The following CDK14 variants were observed in gnomAD, a reference collection of about 807,000 sequenced individuals.
CDK14 encodes cyclin dependent kinase 14, also known as cyclin-dependent kinase 14.
CDK14 carries 34 observed loss-of-function variants against 60.7 expected under a neutral mutation model. The ratio of observed to expected loss-of-function variants is 0.56; its 90% CI spans 0.43 to 0.75. The LOEUF (loss-of-function observed/expected upper bound fraction) is 0.75. Among genes scored for constraint, CDK14 ranks in the 30% least tolerant of loss-of-function variants. CDK14 has a pLI of 0.00. For missense variants in CDK14, 482 were observed against 564.1 expected (o/e 0.85, Z 1.47); for synonymous variants, 197 against 203.7 (o/e 0.97, Z 0.28).
chr7:90,629,646 T>C (rs1799950740), intron 2 of CDK14, among the ~76,000 whole-genome samples: 1 of 152,242 alleles, frequency 6.6e-6, no homozygotes, highest in East Asian at 1.9e-4. Flanking sequence ...ACTAAGTGAA[T>C]GCTTATTTGA....
chr7:91,182,271 A>G (rs76837234), intron 14 of CDK14, among the ~76,000 whole-genome samples: 11,664 of 152,118 alleles, frequency 0.077, 514 homozygotes, highest in Admixed American at 0.12. Context: ...TGAGAAATAT[A>G]CTGTATAATC....
chr7:90,709,522 G>A (rs766489775), intron 2 of CDK14: 1 of 1,611,794 alleles, frequency 6.2e-7, no homozygotes. Flanking sequence ...ACAGTGTGTT[G>A]TGAATTGCCT....
intron 8 of CDK14, among the ~76,000 whole-genome samples, chr7:90,931,705 C>T (rs943668949): frequency 1.3e-5 from 2 of 152,114 alleles, no homozygotes; most frequent in African/African-American, 4.8e-5. Flanking sequence ...AAATACCATG[C>T]TTGGTTGGTT....
intron 2 of CDK14, among the ~76,000 whole-genome samples, chr7:90,706,711 A>G (rs533483175): frequency 3.3e-5 from 5 of 152,320 alleles, no homozygotes; most frequent in South Asian, 4.1e-4. Flanking sequence ...CAGAGAGAAC[A>G]GCAAACAGAA....
At chr7:90,907,881 C>G (rs1057148824) in intron 7 of CDK14, among the ~76,000 whole-genome samples, 5 of 152,050 alleles carry the variant, frequency 3.3e-5, no homozygotes, top group East Asian at 1.9e-4. Flanking sequence ...GAATTGATTT[C>G]TAAATGAGAC....
intron 4 of CDK14, among the ~76,000 whole-genome samples, chr7:90,789,405 T>C (rs1278795211): frequency 2.6e-5 from 4 of 152,154 alleles, no homozygotes; most frequent in African/African-American, 9.6e-5. Flanking sequence ...ATATATCTTG[T>C]ACCTTTTACA....
rs1799645834 is a variant in CDK14 at position 91,117,529 on chromosome 7, A to ACCCTCCTTC, written c.1295-536_1295-535insCCCTCCTTC. Among the ~76,000 whole-genome samples the ACCCTCCTTC allele has an allele frequency of 2.6e-5, 4 of 152,124 alleles. No homozygotes were observed. In the South Asian group the frequency reaches 8.3e-4, roughly 32 times the overall value. On this transcript the variant is annotated intron_variant, in intron 13 of 14. Coordinates refer to ENST00000380050, the MANE Select transcript of CDK14 (RefSeq NM_001287135.2). ...CTCCACCAATGTCCCTTCTCAGGAG[A>ACCCTCCTTC]GACTTCACTGACCTCCTTCCACCCT...
chr7:90,678,853 TAAG>T (rs1801256208), intron 2 of CDK14, among the ~76,000 whole-genome samples: 1 of 152,206 alleles, frequency 6.6e-6, no homozygotes, highest in Admixed American at 6.5e-5. Flanking sequence ...GTATTTGAGA[TAAG>T]AAGAACAAGA....
At chr7:91,134,618 A>G (rs1800214927) in intron 14 of CDK14, among the ~76,000 whole-genome samples, 1 of 152,176 alleles carries the variant, frequency 6.6e-6, no homozygotes, top group Non-Finnish European at 1.5e-5. Flanking sequence ...TCACACCTGT[A>G]ATCCCAGCAA....
intron 14 of CDK14, among the ~76,000 whole-genome samples, chr7:91,153,880 A>C (rs893749250): frequency 6.6e-6 from 1 of 152,174 alleles, no homozygotes; most frequent in African/African-American, 2.4e-5. Context: ...CCTGAACTTA[A>C]AAGTTTTTAA....
At chr7:90,640,083 G>A (rs530278492) in intron 2 of CDK14, among the ~76,000 whole-genome samples, 3 of 152,256 alleles carry the variant, frequency 2.0e-5, no homozygotes, top group South Asian at 4.1e-4. Flanking sequence ...GAGTGAGGCA[G>A]TGCCTCGCCC....
At chr7:91,159,880 A>G (rs990413495) in intron 14 of CDK14, among the ~76,000 whole-genome samples, 2 of 152,174 alleles carry the variant, frequency 1.3e-5, no homozygotes, top group Non-Finnish European at 2.9e-5. Context: ...AGGGAGCTGT[A>G]GTGGCACGGC....
At chr7:90,641,238 CAT>C (rs1471344909) in intron 2 of CDK14, among the ~76,000 whole-genome samples, 2 of 152,014 alleles carry the variant, frequency 1.3e-5, no homozygotes, top group Non-Finnish European at 2.9e-5. Flanking sequence ...AATAGTTAAA[CAT>C]AGAATTATGA....
chr7:91,016,379 T>A (rs1360065454), intron 10 of CDK14, among the ~76,000 whole-genome samples: 1 of 152,186 alleles, frequency 6.6e-6, no homozygotes, highest in Admixed American at 6.5e-5. Context: ...ATTTAGACGG[T>A]CCTAAACATG....
At chr7:90,627,504 T>A (rs943892606) in intron 2 of CDK14, among the ~76,000 whole-genome samples, 2 of 152,206 alleles carry the variant, frequency 1.3e-5, no homozygotes, top group Admixed American at 6.5e-5. Flanking sequence ...TGAGCCACTG[T>A]GCCCAGCTAG....
At chr7:90,790,140 C>T (rs1425837808) in intron 4 of CDK14, among the ~76,000 whole-genome samples, 1 of 147,694 alleles carries the variant, frequency 6.8e-6, no homozygotes, top group Non-Finnish European at 1.5e-5. Context: ...TGTCAAGTTT[C>T]TGTCCTTGGG....
chr7:90,812,642 A>G (rs2074943048), intron 5 of CDK14, among the ~76,000 whole-genome samples: 2 of 152,140 alleles, frequency 1.3e-5, no homozygotes, highest in South Asian at 2.1e-4. Flanking sequence ...AAATATATGA[A>G]TGGCTAATAA....
chr7:90,607,690 G>A (rs1799446628), intron 2 of CDK14, among the ~76,000 whole-genome samples: 1 of 152,102 alleles, frequency 6.6e-6, no homozygotes, highest in Non-Finnish European at 1.5e-5. Context: ...AGTATTGAGG[G>A]CTTCAGGTAT....
chr7:90,946,407 A>G (rs1358280576), intron 8 of CDK14, among the ~76,000 whole-genome samples: 1 of 152,204 alleles, frequency 6.6e-6, no homozygotes, highest in Admixed American at 6.5e-5. Flanking sequence ...ATCTTTTAAT[A>G]GGCCTCTCCT....
Sources: allele counts gnomAD v4.1 joint callset (sites outside exome capture counted in the v4.1 genomes callset), GRCh38; gene constraint gnomAD v4.1.1; transcripts MANE v1.5; gene names NCBI Gene and HGNC (gene_info 2026-07-23, HGNC 2026-07-21).